The following GNL3L variants were observed in gnomAD, a reference collection of about 807,000 sequenced individuals.
GNL3L encodes the protein guanine nucleotide-binding protein-like 3-like protein.
A neutral mutation model predicts 42.9 loss-of-function variants in GNL3L; 4 were observed. The ratio of observed to expected loss-of-function variants is 0.09; its 90% confidence interval spans 0.05 to 0.21. GNL3L has a LOEUF of 0.21. Among genes scored for constraint, GNL3L ranks in the 10% least tolerant of loss-of-function variants. The pLI, the probability that GNL3L is intolerant of heterozygous loss-of-function variation, is 1.00. For missense variants in GNL3L, 412 were observed against 481.7 expected, an observed-to-expected ratio of 0.86 and a Z score of 1.36; for synonymous variants, 159 against 176.3, an observed-to-expected ratio of 0.90 and a Z score of 0.78.
intron 16 of GNL3L, among the ~76,000 whole-genome samples, chrX:54,583,871 G>T (rs1925747288): frequency 9.1e-6 from 1 of 110,237 alleles, no homozygotes; most frequent in Non-Finnish European, 1.9e-5. Flanking sequence ...TCCAACTTCT[G>T]GGCTCAAGTG....
At position 54,536,802 on chromosome X, in the gene GNL3L, G is replaced by C. The variant is rs868553727; in HGVS notation, c.20-2238G>C. ...TTTGTCTCAAAAAAAAAAAAAAACA[G>C]AGAGAGAGAGGGAGGGAGGGAGGGA... On this transcript the variant is annotated intron_variant, in intron 2 of 15. Transcript: ENST00000360845. 3.2e-3 allele frequency among the ~76,000 whole-genome samples: 268 copies of C among 84,410 alleles called. 2 individuals are homozygous for C. The highest frequency in any genetic ancestry group is 0.012 in the African/African-American group (253 of 21,647). 73.3% of individuals were successfully genotyped at this position (84,410 alleles called of 115,157 possible).
chrX:54,626,079 A>AT (rs762533491), downstream of GNL3L, among the ~76,000 whole-genome samples: 470 of 111,625 alleles, frequency 4.2e-3, 13 homozygotes, highest in Non-Finnish European at 5.0e-3. Context: ...TATACAATAA[A>AT]TTGTAGTTTA....
chrX:54,639,568 G>A, the GNL3L span, among the ~76,000 whole-genome samples: 124 of 112,266 alleles, frequency 1.1e-3, no homozygotes, highest in Non-Finnish European at 2.1e-3. Context: ...ACAATGGCGA[G>A]CAAGCGGTCG....
At chrX:54,606,212 A>G (rs1282650959) in intron 16 of GNL3L, among the ~76,000 whole-genome samples, 1 of 111,679 alleles carries the variant, frequency 9.0e-6, no homozygotes, top group African/African-American at 3.3e-5. Flanking sequence ...TAAATCCTCA[A>G]AACAAGGTAG....
At chrX:54,586,115 A>G (rs1366388958) in intron 16 of GNL3L, among the ~76,000 whole-genome samples, 1 of 111,288 alleles carries the variant, frequency 9.0e-6, no homozygotes, top group Non-Finnish European at 1.9e-5. Context: ...GACAGAAAAC[A>G]CCTAAAGCTA....
At chrX:54,608,247 A>G (rs2147532510) in intron 16 of GNL3L, among the ~76,000 whole-genome samples, 1 of 111,661 alleles carries the variant, frequency 9.0e-6, no homozygotes, top group Admixed American at 9.5e-5. Context: ...ATGGAGATAC[A>G]TGTCATTATT....
In GNL3L at chrX:54,559,321, A is replaced by G. The variant is rs1925192850; in HGVS notation, c.1666+666A>G. On this transcript the variant is annotated intron_variant, in intron 15 of 15. Coordinates refer to ENST00000360845, the MANE Select transcript of GNL3L (RefSeq NM_001184819.2). ...CTATGTGTTAGGTAGCTTGCAGGCT[A>G]TATATCAATAGGCAATATACTCAAA... Among the ~76,000 whole-genome samples, 3 of 111,513 alleles carry G rather than the reference A, an allele frequency of 2.7e-5. No homozygotes were observed. The Admixed American group carries it at 2.9e-4, about 11-fold the overall frequency.
At chrX:54,643,015 C>T in the GNL3L span, among the ~76,000 whole-genome samples, 1 of 111,984 alleles carries the variant, frequency 8.9e-6, no homozygotes, top group Non-Finnish European at 1.9e-5. Flanking sequence ...TTCCCATTTT[C>T]CATGCATATA....
At position 54,543,448 on chromosome X, in the gene GNL3L, A is replaced by AAT. The variant is rs757495583; in HGVS notation, c.526+106_526+107insAT. On this transcript the variant is annotated intron_variant, in intron 7 of 15. Coordinates refer to ENST00000360845, the MANE Select transcript of GNL3L (RefSeq NM_001184819.2). ...CCAGCAACTCAGTGATACTCATAAT[A>AAT]GTCATGCAAAGTAGAAATTTTTGTT... 5 of 787,597 alleles carry AAT rather than the reference A, an allele frequency of 6.3e-6. No individual in the cohort carries two copies. In the Admixed American group the frequency reaches 1.2e-4, roughly 19 times the overall value. The allele number at this position is 787,597 out of a possible 1,213,427, so 64.9% of individuals were successfully genotyped here.
At chrX:54,549,324 A>G (rs1924862841) in intron 9 of GNL3L, among the ~76,000 whole-genome samples, 1 of 111,268 alleles carries the variant, frequency 9.0e-6, no homozygotes, top group Non-Finnish European at 1.9e-5. Context: ...AGCGAGACAG[A>G]ACCACAGTCA....
intron 16 of GNL3L, among the ~76,000 whole-genome samples, chrX:54,583,077 C>T (rs992178356): frequency 9.0e-6 from 1 of 111,613 alleles, no homozygotes; most frequent in Non-Finnish European, 1.9e-5. Flanking sequence ...TTGTTGAATG[C>T]GTGGTTTGCA....
chrX:54,572,789 C>A (rs1475012500), intron 16 of GNL3L, among the ~76,000 whole-genome samples: 19 of 108,130 alleles, frequency 1.8e-4, no homozygotes, highest in African/African-American at 6.1e-4. Flanking sequence ...ACTTCTCAGA[C>A]GGGGCAGCTG....
intron 5 of GNL3L, among the ~76,000 whole-genome samples, chrX:54,542,248 C>T: frequency 1.3e-5 from 1 of 75,739 alleles, no homozygotes; most frequent in Non-Finnish European, 2.4e-5. Flanking sequence ...CCTCCGCCCT[C>T]CCCCCACCCT....
At chrX:54,551,440 A>G in intron 10 of GNL3L, 128 bp from the exon 11 acceptor site, 1 of 517,391 alleles carries the variant, frequency 1.9e-6, no homozygotes, top group Non-Finnish European at 3.3e-6. Flanking sequence ...CCAACTCTAC[A>G]TCTCTCCACC....
intron 16 of GNL3L, among the ~76,000 whole-genome samples, chrX:54,595,577 C>T (rs1925922032): frequency 9.0e-6 from 1 of 111,484 alleles, no homozygotes; most frequent in Admixed American, 9.5e-5. Flanking sequence ...TGATATATTT[C>T]TCTAGGTTTG....
intron 16 of GNL3L, among the ~76,000 whole-genome samples, chrX:54,619,416 G>GTA (rs1361508259): frequency 9.0e-6 from 1 of 110,766 alleles, no homozygotes; most frequent in Non-Finnish European, 1.9e-5. Flanking sequence ...ATTATTTTTT[G>GTA]TATATATATA....
intron 16 of GNL3L, among the ~76,000 whole-genome samples, chrX:54,589,960 G>A (rs1361148712): frequency 9.2e-6 from 1 of 108,628 alleles, no homozygotes; most frequent in Non-Finnish European, 1.9e-5. Context: ...TATTTTTTGA[G>A]ACAGAGTCTT....
chrX:54,572,964 C>T (rs1258658319), intron 16 of GNL3L, among the ~76,000 whole-genome samples: 3 of 107,874 alleles, frequency 2.8e-5, no homozygotes, highest in Admixed American at 2.0e-4. Flanking sequence ...CAGGCAGAGA[C>T]GCTCCTCACT....
chrX:54,560,465 G>A (rs762185227), intron 15 of GNL3L, 55 bp from the exon 16 acceptor site: 182 of 721,027 alleles, frequency 2.5e-4, no homozygotes, highest in Non-Finnish European at 3.4e-4. Context: ...GCGTCAGCAG[G>A]CCTCCTGGTG....
Sources: allele counts gnomAD v4.1 joint callset (sites outside exome capture counted in the v4.1 genomes callset), GRCh38; gene constraint gnomAD v4.1.1; transcripts MANE v1.5; gene names NCBI Gene and HGNC (gene_info 2026-07-23, HGNC 2026-07-21).